Variants in CPNE8 observed in about 807,000 individuals in gnomAD.
The protein encoded by CPNE8 is copine 8.
Under a neutral mutation model 81.5 loss-of-function variants are expected in CPNE8, and 45 were observed. That is an observed-to-expected ratio of 0.55 (90% CI 0.44 to 0.71). The LOEUF (loss-of-function observed/expected upper bound fraction) is 0.71, where lower values mean the gene tolerates loss of function less well. Among genes scored for constraint, CPNE8 ranks in the 30% least tolerant of loss-of-function variants. The pLI is 0.00. For missense variants in CPNE8, 594 were observed against 672.1 expected (o/e 0.88, Z 1.28); for synonymous variants, 252 against 226.3 (o/e 1.11, Z -1.02).
intron 11 of CPNE8, among the ~76,000 whole-genome samples, chr12:38,725,419 C>T (rs928509090): frequency 6.6e-6 from 1 of 152,038 alleles, no homozygotes. Context: ...ATTGGCCTTT[C>T]GACTATTTGA....
chr12:38,868,346 T>C (rs1342173496), intron 3 of CPNE8, among the ~76,000 whole-genome samples: 2 of 152,162 alleles, frequency 1.3e-5, no homozygotes, highest in African/African-American at 4.8e-5. Flanking sequence ...AAACTATTAA[T>C]AAAGTATCTA....
chr12:38,701,027 G>A (rs1412987030), intron 14 of CPNE8, among the ~76,000 whole-genome samples: 3 of 152,120 alleles, frequency 2.0e-5, no homozygotes, highest in Non-Finnish European at 2.9e-5. Context: ...ATACAGGTAG[G>A]TTATGTTATT....
intron 10 of CPNE8, among the ~76,000 whole-genome samples, chr12:38,733,501 C>T (rs1040282480): frequency 4.6e-5 from 7 of 151,974 alleles, no homozygotes; most frequent in Admixed American, 2.6e-4. Context: ...TAAACCACAA[C>T]CAATAATTTC....
At chr12:38,708,163 T>C (rs1318706018) in intron 13 of CPNE8, among the ~76,000 whole-genome samples, 1 of 152,194 alleles carries the variant, frequency 6.6e-6, no homozygotes, top group Non-Finnish European at 1.5e-5. Flanking sequence ...TCTATGTATT[T>C]AGAAAATATT....
intron 1 of CPNE8, among the ~76,000 whole-genome samples, chr12:38,899,091 G>C (rs965808458): frequency 6.6e-6 from 1 of 152,132 alleles, no homozygotes; most frequent in African/African-American, 2.4e-5. Flanking sequence ...TTCCAGTAGA[G>C]AAGGAAGACC....
intron 19 of CPNE8, among the ~76,000 whole-genome samples, chr12:38,665,307 A>C (rs1485535349): frequency 6.6e-6 from 1 of 152,138 alleles, no homozygotes; most frequent in Admixed American, 6.6e-5. Flanking sequence ...GACCCTTATA[A>C]TATTTAGTTT....
At position 38,902,393 on chromosome 12, in the gene CPNE8, G is replaced by GAGAGAGAAAGAAAGAAAGAAAGAA. The variant is rs1944499574; in HGVS notation, c.98+3043_98+3044insTTCTTTCTTTCTTTCTTTCTCTCT. 1.1e-4 allele frequency among the ~76,000 whole-genome samples: 6 copies of GAGAGAGAAAGAAAGAAAGAAAGAA among 54,626 alleles called. 1 individual carries two copies. The highest frequency in any genetic ancestry group is 4.7e-4 in the African/African-American group (6 of 12,892). The allele number at this position is 54,626 out of a possible 152,430, so 35.8% of individuals were successfully genotyped here. A position where few individuals can be genotyped will look rare whatever the true frequency, so the allele number is the denominator to read the frequency against. ...GAAAGAAAGAAAGAAAAGAAAGAAA[G>GAGAGAGAAAGAAAGAAAGAAAGAA]AGAAAGAAAGAAAGAAAGAAAGAAA... On this transcript the variant is annotated intron_variant, in intron 1 of 19. Transcript: ENST00000331366.
At chr12:38,681,723 C>G (rs896105575) in intron 16 of CPNE8, among the ~76,000 whole-genome samples, 1 of 152,170 alleles carries the variant, frequency 6.6e-6, no homozygotes, top group African/African-American at 2.4e-5. Context: ...TCCAATCTAC[C>G]AACCTGTCCT....
intron 7 of CPNE8, among the ~76,000 whole-genome samples, chr12:38,768,145 T>C (rs991426400): frequency 1.4e-4 from 21 of 151,512 alleles, no homozygotes; most frequent in African/African-American, 5.1e-4. Context: ...ATCTAGTATG[T>C]ATAAAATGTT....
At chr12:38,668,675 T>C (rs1354309318) in intron 19 of CPNE8, among the ~76,000 whole-genome samples, 2 of 152,142 alleles carry the variant, frequency 1.3e-5, no homozygotes, top group East Asian at 3.9e-4. Flanking sequence ...TCTAGAGAGC[T>C]TTTAAATAAA....
intron 10 of CPNE8, among the ~76,000 whole-genome samples, chr12:38,739,969 G>A (rs1014026155): frequency 1.3e-5 from 2 of 151,998 alleles, no homozygotes; most frequent in African/African-American, 4.8e-5. Context: ...TATACCTTTA[G>A]GAAACATAAC....
At chr12:38,806,955 C>A (rs1470918506) in intron 6 of CPNE8, among the ~76,000 whole-genome samples, 3 of 150,070 alleles carry the variant, frequency 2.0e-5, no homozygotes, top group Non-Finnish European at 4.5e-5. Flanking sequence ...TACACACCAA[C>A]AACAGACAAA....
intron 6 of CPNE8, among the ~76,000 whole-genome samples, chr12:38,812,443 T>A (rs1472135759): frequency 6.6e-6 from 1 of 152,138 alleles, no homozygotes; most frequent in Non-Finnish European, 1.5e-5. Flanking sequence ...CTTCTTCACA[T>A]GGCATCAGGA....
intron 1 of CPNE8, among the ~76,000 whole-genome samples, chr12:38,891,121 G>C (rs7307683): frequency 0.031 from 4,732 of 151,746 alleles, 231 homozygotes; most frequent in African/African-American, 0.11. Flanking sequence ...AGTAGAGATG[G>C]GGTTTTACCC....
At chr12:38,723,588 G>T (rs544844378) in intron 13 of CPNE8, among the ~76,000 whole-genome samples, 184 bp downstream of exon 13, 1 of 152,194 alleles carries the variant, frequency 6.6e-6, no homozygotes, top group Admixed American at 6.5e-5. Flanking sequence ...GTTACAATTT[G>T]CCCCAAAAGT....
At chr12:38,700,045 A>T (rs1240770461) in intron 14 of CPNE8, among the ~76,000 whole-genome samples, 2 of 151,986 alleles carry the variant, frequency 1.3e-5, no homozygotes, top group Non-Finnish European at 2.9e-5. Context: ...TCTTATCCAG[A>T]TATTTTGTAT....
At chr12:38,664,255 TAATAA>T (rs1379164714) in intron 19 of CPNE8, among the ~76,000 whole-genome samples, 4 of 152,012 alleles carry the variant, frequency 2.6e-5, no homozygotes, top group Non-Finnish European at 5.9e-5. Context: ...ATAATGTCAA[TAATAA>T]AATAAAAAGG....
intron 19 of CPNE8, among the ~76,000 whole-genome samples, chr12:38,668,041 C>T (rs969255987): frequency 3.3e-5 from 5 of 152,176 alleles, no homozygotes; most frequent in Admixed American, 2.6e-4. Flanking sequence ...TCAGGTGATC[C>T]TCCCGCCCTG....
intron 18 of CPNE8, among the ~76,000 whole-genome samples, chr12:38,673,197 TC>T (rs1283757332): frequency 6.6e-6 from 1 of 152,156 alleles, no homozygotes; most frequent in Non-Finnish European, 1.5e-5. Flanking sequence ...TATGACTGTT[TC>T]CCCTTCCACC....
Sources: allele counts gnomAD v4.1 joint callset (sites outside exome capture counted in the v4.1 genomes callset), GRCh38; gene constraint gnomAD v4.1.1; transcripts MANE v1.5; gene names NCBI Gene and HGNC (gene_info 2026-07-23, HGNC 2026-07-21).